Variants in SPTBN1 observed in about 807,000 individuals in gnomAD.
The protein encoded by SPTBN1 is spectrin beta chain, non-erythrocytic 1.
A neutral mutation model predicts 266.4 loss-of-function variants in SPTBN1; 32 were observed. The ratio of observed to expected loss-of-function variants is 0.12; its 90% CI spans 0.09 to 0.16. SPTBN1 has a LOEUF of 0.16. Ranked by LOEUF, SPTBN1 falls within the 10% of genes least tolerant of loss-of-function variation. The pLI, the probability that SPTBN1 is intolerant of heterozygous loss-of-function variation, is 1.00. For missense variants in SPTBN1, 2,296 were observed against 3,067.1 expected (o/e 0.75, Z 5.94); for synonymous variants, 1,336 against 1,162.2 (o/e 1.15, Z -3.04).
Position 54,631,701 on chromosome 2 carries a change from C to T in SPTBN1, c.3564+90C>T, listed in dbSNP as rs1190816602. On this transcript the variant is annotated intron_variant, in intron 16 of 35. Transcript: ENST00000356805. Reference sequence around the variant, plus strand: ...TTTGGCTGGGGCAGCTGGTTTAAACCACACCTGTATGGAATTATATGGATA... The same window carrying T: ...TTTGGCTGGGGCAGCTGGTTTAAACTACACCTGTATGGAATTATATGGATA... The T allele has an allele frequency of 5.4e-6, 8 of 1,474,994 alleles. No homozygotes were observed. In the East Asian group the frequency reaches 1.6e-4, roughly 29 times the overall value. 91.4% of individuals were successfully genotyped at this position (1,474,994 alleles called of 1,614,324 possible). A position where few individuals can be genotyped will look rare whatever the true frequency, so the allele number is the denominator to read the frequency against.
At chr2:54,478,889 TGTGA>T (rs1335149866) in intron 1 of SPTBN1, among the ~76,000 whole-genome samples, 2 of 148,986 alleles carry the variant, frequency 1.3e-5, no homozygotes, top group Non-Finnish European at 1.5e-5. Context: ...TGTACGTATA[TGTGA>T]GTGTGTGTGT....
chr2:54,514,445 T>C (rs183270745), intron 1 of SPTBN1, among the ~76,000 whole-genome samples: 32 of 152,330 alleles, frequency 2.1e-4, no homozygotes, highest in Middle Eastern at 3.4e-3. Context: ...TTTGTAAAGC[T>C]AGAATCACCT....
At chr2:54,475,766 A>G (rs1199891299) in intron 1 of SPTBN1, among the ~76,000 whole-genome samples, 1 of 152,240 alleles carries the variant, frequency 6.6e-6, no homozygotes, top group Non-Finnish European at 1.5e-5. Context: ...GGTAAGGCAC[A>G]TGACTGTTAT....
At chr2:54,534,680 G>C (rs1231650566) in intron 2 of SPTBN1, among the ~76,000 whole-genome samples, 1 of 152,144 alleles carries the variant, frequency 6.6e-6, no homozygotes, top group Non-Finnish European at 1.5e-5. Flanking sequence ...TTTCTCCCCT[G>C]CTTCTGAAAT....
At chr2:54,566,480 G>T (rs149936948) in intron 2 of SPTBN1, among the ~76,000 whole-genome samples, 1 of 152,064 alleles carries the variant, frequency 6.6e-6, no homozygotes, top group Non-Finnish European at 1.5e-5. Context: ...GAGCCACTGC[G>T]CCTGGCCCCT....
At chr2:54,485,167 T>TCCCTCC (rs1668290616) in intron 1 of SPTBN1, among the ~76,000 whole-genome samples, 1 of 151,680 alleles carries the variant, frequency 6.6e-6, no homozygotes, top group African/African-American at 2.4e-5. Flanking sequence ...CCTCTCCCTC[T>TCCCTCC]CCCTCCGTCT....
chr2:54,496,137 TAAA>T (rs548959622), intron 1 of SPTBN1, among the ~76,000 whole-genome samples: 1 of 151,672 alleles, frequency 6.6e-6, no homozygotes, highest in Non-Finnish European at 1.5e-5. Flanking sequence ...AGAAATATGT[TAAA>T]AAAAAGTATA....
rs1681648137 is a variant in SPTBN1, at chr2:54,670,399, A to G, written c.*1830A>G. On this transcript the variant is annotated 3_prime_UTR_variant, in exon 36 of 36. Coordinates refer to ENST00000356805, the MANE Select transcript of SPTBN1 (RefSeq NM_003128.3). ...TGGATGTCCAGTAAGTTATTCCACA[A>G]AGACCATGCCTAAGGTGGCATCAGC... The G allele has an allele frequency of 3.3e-6, 1 of 303,920 alleles. No homozygotes were observed. Among genetic ancestry groups the G allele is most frequent in the African/African-American group, 2.1e-5 (1 of 46,760 alleles). 18.8% of individuals were successfully genotyped at this position (303,920 alleles called of 1,614,324 possible).
At chr2:54,661,309 A>C (rs1681028798) in intron 32 of SPTBN1, 10 of 985,792 alleles carry the variant, frequency 1.0e-5, no homozygotes, top group Non-Finnish European at 1.1e-5. Flanking sequence ...CATATTATAC[A>C]TCAAAACCTT....
At chr2:54,516,341 A>C (rs764632897) in intron 1 of SPTBN1, 2 of 152,210 alleles carry the variant, frequency 1.3e-5, no homozygotes, top group African/African-American at 2.4e-5. Flanking sequence ...CCCCAGAAAG[A>C]GTAAGCCATC....
Position 54,617,089 on chromosome 2 carries a change from A to C in SPTBN1, c.567-519A>C, listed in dbSNP as rs367965040. ...TAGTCAATATGGTATAGAATAGCTG[A>C]TTCATTATGGGTAAGTTTCACACAT... On this transcript the variant is annotated intron_variant, in intron 5 of 35. Transcript: ENST00000356805. 2.8e-4 allele frequency among the ~76,000 whole-genome samples: 42 copies of C among 152,354 alleles called. No individual in the cohort carries two copies. In the East Asian group the frequency reaches 6.5e-3, roughly 24 times the overall value.
At position 54,664,787 on chromosome 2, in the gene SPTBN1, T is replaced by A. The variant is rs575476995; in HGVS notation, c.6659+96T>A. On this transcript the variant is annotated intron_variant, in intron 33 of 35. Coordinates refer to ENST00000356805, the MANE Select transcript of SPTBN1 (RefSeq NM_003128.3). The surrounding 1 kb of genome is among the most constrained non-coding windows in gnomAD (Gnocchi z 5.6). ...GAATTGGAAGAGAAGTATGTGCTCA[T>A]GTAGTTTTATTCCTTTGGTAGCTTC... The A allele has an allele frequency of 1.6e-6, 2 of 1,259,692 alleles. No individual in the cohort carries two copies. Among genetic ancestry groups the A allele is most frequent in the East Asian group, 4.7e-5 (2 of 42,124 alleles). The allele number at this position is 1,259,692 out of a possible 1,614,324, so 78.0% of individuals were successfully genotyped here.
In SPTBN1 at chr2:54,628,425, G is replaced by A. The variant is rs1678497395; in HGVS notation, c.1798+175G>A. Among the ~76,000 whole-genome samples the A allele has an allele frequency of 6.6e-6, 1 of 152,156 alleles. No homozygotes were observed. The highest frequency in any genetic ancestry group is 1.9e-4 in the East Asian group (1 of 5,196). ...ACACTAACTCCATCTTGTTTTTCTG[G>A]AATTGATACATCCTTTCCTTAAATA... On this transcript the variant is annotated intron_variant, in intron 13 of 35. Transcript: ENST00000356805. The surrounding 1 kb of genome is among the most constrained non-coding windows in gnomAD (Gnocchi z 4.3).
At chr2:54,474,443 A>G (rs549893363) in intron 1 of SPTBN1, among the ~76,000 whole-genome samples, 148 of 152,256 alleles carry the variant, frequency 9.7e-4, no homozygotes, top group African/African-American at 3.2e-3. Flanking sequence ...TGAGCAAGTC[A>G]TTAACCCTTC....
At chr2:54,472,696 G>A (rs1305701395) in intron 1 of SPTBN1, among the ~76,000 whole-genome samples, 3 of 151,926 alleles carry the variant, frequency 2.0e-5, no homozygotes, top group Non-Finnish European at 4.4e-5. Flanking sequence ...GGGGGTGTGG[G>A]TACCTGGGTG....
At chr2:54,494,473 C>T (rs1340534765) in intron 1 of SPTBN1, among the ~76,000 whole-genome samples, 1 of 152,064 alleles carries the variant, frequency 6.6e-6, no homozygotes, top group East Asian at 1.9e-4. Context: ...TGTAGTAACC[C>T]CAAACTGGAA....
chr2:54,557,923 C>T lies in SPTBN1; in HGVS notation c.148+31357C>T, dbSNP rs955020690. ...CGCCGGGCCGCCGCCGCGTGGTTGG[C>T]GCCAGCGCACTGGGGCAGTCGCGCG... On this transcript the variant is annotated intron_variant, in intron 2 of 35. Transcript: ENST00000356805. 7 of 985,252 alleles carry T rather than the reference C, an allele frequency of 7.1e-6. No individual in the cohort carries two copies. The African/African-American group carries it at 1.2e-4, about 17-fold the overall frequency. The allele number at this position is 985,252 out of a possible 1,614,324, so 61.0% of individuals were successfully genotyped here. A position where few individuals can be genotyped will look rare whatever the true frequency, so the allele number is the denominator to read the frequency against.
At chr2:54,572,322 A>G (rs1324885741) in intron 2 of SPTBN1, among the ~76,000 whole-genome samples, 1 of 152,240 alleles carries the variant, frequency 6.6e-6, no homozygotes, top group African/African-American at 2.4e-5. Flanking sequence ...AATGTTAAAA[A>G]TGTACCCTGG....
chr2:54,601,090 T>G (rs1676470191), intron 3 of SPTBN1, among the ~76,000 whole-genome samples: 2 of 152,140 alleles, frequency 1.3e-5, no homozygotes, highest in Admixed American at 1.3e-4. Context: ...AGCAGTAAGT[T>G]TTTTTGTGGC....
Sources: gnomAD v4.1 joint callset for allele counts (sites outside exome capture counted in the v4.1 genomes callset) on GRCh38, gnomAD v4.1.1 for gene constraint, Gnocchi (gnomAD v3.1) non-coding constraint, MANE v1.5 for transcripts, NCBI Gene and HGNC (gene_info 2026-07-23, HGNC 2026-07-21) for gene names.